The following SYN1 variants were observed in gnomAD, a reference collection of about 807,000 sequenced individuals.
SYN1 encodes synapsin I, also known as synapsin-1.
A neutral mutation model predicts 44.6 loss-of-function variants in SYN1; 8 were observed. The ratio of observed to expected loss-of-function variants is 0.18; its 90% CI spans 0.11 to 0.32. The LOEUF (loss-of-function observed/expected upper bound fraction) is 0.32, where lower values mean the gene tolerates loss of function less well. Ranked by LOEUF, SYN1 falls within the 10% of genes least tolerant of loss-of-function variation. SYN1 has a pLI of 1.00. For synonymous variants in SYN1, 275 were observed against 280.1 expected, an observed-to-expected ratio of 0.98 and a Z score of 0.18; for missense variants, 451 against 639.4, an observed-to-expected ratio of 0.71 and a Z score of 3.18.
chrX:47,580,084 T>G (rs1402808348), intron 5 of SYN1, among the ~76,000 whole-genome samples: 1 of 110,065 alleles, frequency 9.1e-6, no homozygotes, highest in Admixed American at 9.6e-5. Flanking sequence ...GGTACTCTTA[T>G]TATTGGCTTA....
chrX:47,588,633 T>TA (rs1168008562), intron 5 of SYN1, among the ~76,000 whole-genome samples: 1 of 112,234 alleles, frequency 8.9e-6, no homozygotes, highest in Non-Finnish European at 1.9e-5. Flanking sequence ...AGACCTGGCA[T>TA]GAGCTCCTGG....
chrX:47,575,284 G>A lies in SYN1; in HGVS notation c.1159-10C>T, dbSNP rs1433107476. The A allele has an allele frequency of 9.1e-6, 11 of 1,208,296 alleles. No individual in the cohort carries two copies. The highest frequency in any genetic ancestry group is 1.2e-5 in the Non-Finnish European group (11 of 893,801). On this transcript the variant is annotated splice_polypyrimidine_tract_variant and intron_variant, in intron 9 of 12. Coordinates refer to ENST00000295987, the MANE Select transcript of SYN1 (RefSeq NM_006950.3). The stretch of plus-strand genomic sequence containing the variant: ...TGGAGGAACCCACCACCTGGGGGAA[G>A]GAAAGGATCCGTGAGGGGAGAGGCA...
chrX:47,617,453 ATTAAGTAAAAGTGTTTAC>A (rs2057934655), intron 1 of SYN1, among the ~76,000 whole-genome samples: 1 of 111,984 alleles, frequency 8.9e-6, no homozygotes, highest in Non-Finnish European at 1.9e-5. Flanking sequence ...TAGTAAAACT[ATTAAGTAAAAGTGTTTAC>A]TTAAGTAAGT....
intron 1 of SYN1, among the ~76,000 whole-genome samples, chrX:47,616,501 T>C (rs775296898): frequency 7.2e-5 from 8 of 110,802 alleles, no homozygotes; most frequent in Non-Finnish European, 1.3e-4. Context: ...AGGGCTGGAG[T>C]GGAGACCGGA....
chrX:47,573,042 G>A (rs1212629928), intron 12 of SYN1, 43 bp from the exon 13 acceptor site: 2 of 1,187,281 alleles, frequency 1.7e-6, no homozygotes, highest in Non-Finnish European at 2.3e-6. Context: ...AGGGGGAAGA[G>A]GAAGGGGAGG....
chrX:47,619,199 C>G (rs1415459697), intron 1 of SYN1, among the ~76,000 whole-genome samples, 153 bp downstream of exon 1: 4 of 111,487 alleles, frequency 3.6e-5, no homozygotes, highest in African/African-American at 1.3e-4. Context: ...GGGCGGGGCA[C>G]AGAGGAAGCA....
intron 5 of SYN1, chrX:47,583,482 G>T: frequency 8.3e-7 from 1 of 1,207,994 alleles, no homozygotes. Flanking sequence ...CCCCAGCAGG[G>T]CCTGCACCTG....
intron 1 of SYN1, among the ~76,000 whole-genome samples, chrX:47,618,331 A>G (rs896728142): frequency 1.8e-5 from 2 of 112,102 alleles, no homozygotes; most frequent in Admixed American, 1.9e-4. Flanking sequence ...TGCTGAATAC[A>G]CTGGAGGAAA....
intron 5 of SYN1, chrX:47,586,620 C>T (rs202136502): frequency 5.0e-6 from 6 of 1,210,797 alleles, no homozygotes; most frequent in Admixed American, 2.2e-5. Flanking sequence ...CTTCCAGTCC[C>T]GTCACCTTGC....
chrX:47,577,596 G>A, intron 5 of SYN1, 95 bp from the exon 6 acceptor site: 2 of 785,031 alleles, frequency 2.5e-6, no homozygotes, highest in Non-Finnish European at 3.8e-6. Flanking sequence ...AGTGGGAACT[G>A]CATTATGAGT....
intron 1 of SYN1, among the ~76,000 whole-genome samples, chrX:47,618,294 T>C (rs981153699): frequency 9.0e-6 from 1 of 111,603 alleles, no homozygotes; most frequent in Admixed American, 9.5e-5. Flanking sequence ...GGGTGGGGTA[T>C]ACAGCAGGCA....
chrX:47,602,516 C>T (rs1311766568), intron 5 of SYN1, among the ~76,000 whole-genome samples: 2 of 110,929 alleles, frequency 1.8e-5, no homozygotes, highest in African/African-American at 6.6e-5. Flanking sequence ...GTGGCACGCA[C>T]CTGTAGTCCC....
chrX:47,575,588 C>A (rs776279739), intron 9 of SYN1, among the ~76,000 whole-genome samples: 3 of 112,290 alleles, frequency 2.7e-5, no homozygotes, highest in Non-Finnish European at 5.6e-5. Flanking sequence ...TTATAACATG[C>A]GAAAATGGCA....
At chrX:47,586,580 G>T in intron 5 of SYN1, 1 of 1,211,923 alleles carries the variant, frequency 8.3e-7, no homozygotes. Flanking sequence ...GCTTGTGGAC[G>T]GACCAGCTCC....
At chrX:47,610,352 A>G (rs1445285947) in intron 1 of SYN1, among the ~76,000 whole-genome samples, 2 of 109,828 alleles carry the variant, frequency 1.8e-5, no homozygotes, top group Non-Finnish European at 3.8e-5. Context: ...GGGCCTGCTG[A>G]AGTAGACTAC....
intron 5 of SYN1, among the ~76,000 whole-genome samples, chrX:47,589,538 G>A (rs2057840759): frequency 9.6e-6 from 1 of 103,946 alleles, no homozygotes; most frequent in Admixed American, 1.0e-4. Context: ...GGAGCTTGCA[G>A]TGAGCTGAGA....
At chrX:47,583,309 C>T (rs2057807575) in intron 5 of SYN1, 1 of 682,309 alleles carries the variant, frequency 1.5e-6, no homozygotes, top group Non-Finnish European at 2.1e-6. Flanking sequence ...CCCCCTAATC[C>T]CCCCCATAGG....
rs2147927610 is a variant in SYN1 at position 47,605,071 on chromosome X, T to C, written c.685-4A>G. ...GCAGTCGAACCATCTGGGCAAACTA[T>C]GAGAACCAGGAGAGCTGGGTCAGTG... On this transcript the variant is annotated splice_polypyrimidine_tract_variant and splice_region_variant and intron_variant, in intron 4 of 12. Coordinates refer to ENST00000295987, the MANE Select transcript of SYN1 (RefSeq NM_006950.3). 2 of 1,210,323 alleles carry C rather than the reference T, an allele frequency of 1.7e-6. No homozygotes were observed. Among genetic ancestry groups the C allele is most frequent in the African/African-American group, 3.5e-5 (2 of 57,830 alleles).
At chrX:47,603,006 A>G (rs1203278528) in intron 5 of SYN1, among the ~76,000 whole-genome samples, 1 of 107,217 alleles carries the variant, frequency 9.3e-6, no homozygotes, top group East Asian at 2.8e-4. Flanking sequence ...AAATTTTAAT[A>G]TTAGTGATTT....
Sources: gnomAD v4.1 joint callset for allele counts (sites outside exome capture counted in the v4.1 genomes callset) on GRCh38, gnomAD v4.1.1 for gene constraint, MANE v1.5 for transcripts, NCBI Gene and HGNC (gene_info 2026-07-23, HGNC 2026-07-21) for gene names.